ZFHX3: variants seen among roughly 807,000 people sequenced by gnomAD.
ZFHX3 encodes zinc finger homeobox 3.
ZFHX3 carries 42 observed loss-of-function variants against 279.1 expected under a neutral mutation model. That is an observed-to-expected ratio of 0.15 (90% CI 0.12 to 0.19). The LOEUF (loss-of-function observed/expected upper bound fraction) is 0.19, where lower values mean the gene tolerates loss of function less well. Among genes scored for constraint, ZFHX3 ranks in the 10% least tolerant of loss-of-function variants. ZFHX3 has a pLI of 1.00. For synonymous variants in ZFHX3, 2,293 were observed against 1,957.8 expected, an observed-to-expected ratio of 1.17 and a Z score of -4.52; for missense variants, 4,981 against 4,754.0, an observed-to-expected ratio of 1.05 and a Z score of -1.40.
intron 2 of ZFHX3, among the ~76,000 whole-genome samples, chr16:73,476,361 A>G (rs190242667): frequency 2.0e-5 from 3 of 152,310 alleles, no homozygotes; most frequent in African/African-American, 7.2e-5. Flanking sequence ...AAGAAGTTCA[A>G]AACCACTGCA....
intron 4 of ZFHX3, among the ~76,000 whole-genome samples, chr16:72,836,053 C>T (rs1333145692): frequency 1.3e-5 from 2 of 152,190 alleles, no homozygotes; most frequent in East Asian, 3.8e-4. Flanking sequence ...AAACTTTTAA[C>T]GGAACACAAT....
At chr16:73,120,852 C>T (rs893419058) in intron 7 of ZFHX3, among the ~76,000 whole-genome samples, 5 of 151,850 alleles carry the variant, frequency 3.3e-5, no homozygotes, top group Non-Finnish European at 7.4e-5. Context: ...GATGGGATTT[C>T]ACCGTGTTAG....
chr16:73,201,679 G>A (rs745656046), intron 5 of ZFHX3, among the ~76,000 whole-genome samples: 10 of 152,216 alleles, frequency 6.6e-5, no homozygotes, highest in Non-Finnish European at 1.5e-5. Context: ...CTCTACTAGA[G>A]CAAGAAGAGA....
chr16:73,483,579 C>T, intron 2 of ZFHX3: 1 of 336,888 alleles, frequency 3.0e-6, no homozygotes, highest in Non-Finnish European at 5.8e-6. Context: ...CAAGGGCCTA[C>T]CAGACCCTGG....
At chr16:72,961,064 T>C (rs1024217109) in intron 1 of ZFHX3, among the ~76,000 whole-genome samples, 5 of 152,120 alleles carry the variant, frequency 3.3e-5, no homozygotes, top group South Asian at 2.1e-4. Flanking sequence ...AAACGTGAGC[T>C]TGGTATTTCC....
At chr16:73,361,468 T>C (rs1597301254) in intron 3 of ZFHX3, among the ~76,000 whole-genome samples, 4 of 152,354 alleles carry the variant, frequency 2.6e-5, no homozygotes, top group Admixed American at 2.6e-4. Context: ...GGAATACCAC[T>C]GTTGTGGTTT....
intron 2 of ZFHX3, among the ~76,000 whole-genome samples, chr16:73,512,743 G>C (rs201783929): frequency 2.0e-5 from 3 of 152,178 alleles, no homozygotes; most frequent in African/African-American, 7.2e-5. Flanking sequence ...AAGAGAAGAA[G>C]AACTGCTTTT....
chr16:73,846,266 T>C (rs1193742554), intron 1 of ZFHX3, among the ~76,000 whole-genome samples: 5 of 152,000 alleles, frequency 3.3e-5, no homozygotes, highest in African/African-American at 7.3e-5. Context: ...GAAAAAAAAA[T>C]GAAATACTGA....
intron 1 of ZFHX3, among the ~76,000 whole-genome samples, chr16:73,834,120 C>A (rs1961074369): frequency 6.6e-6 from 1 of 152,102 alleles, no homozygotes; most frequent in Non-Finnish European, 1.5e-5. Flanking sequence ...TGAGCCTCTA[C>A]GAGTTAAAGG....
intron 1 of ZFHX3, among the ~76,000 whole-genome samples, chr16:72,978,299 C>G (rs1180500441): frequency 1.3e-5 from 2 of 152,198 alleles, no homozygotes; most frequent in Non-Finnish European, 2.9e-5. Flanking sequence ...TTCCTATTAC[C>G]CTCTCACACG....
intron 4 of ZFHX3, among the ~76,000 whole-genome samples, chr16:73,271,296 G>GTCT: frequency 6.6e-6 from 1 of 152,154 alleles, no homozygotes; most frequent in Non-Finnish European, 1.5e-5. Context: ...TTCTAAGTCA[G>GTCT]TCTTCTTGTT....
intron 2 of ZFHX3, among the ~76,000 whole-genome samples, chr16:73,616,456 G>T (rs1284772599): frequency 6.7e-6 from 1 of 148,386 alleles, no homozygotes; most frequent in Non-Finnish European, 1.5e-5. Context: ...AATGCTGCTA[G>T]GTCTCCTTTT....
intron 1 of ZFHX3, among the ~76,000 whole-genome samples, chr16:73,746,998 C>G (rs1443105447): frequency 6.6e-6 from 1 of 152,016 alleles, no homozygotes; most frequent in Non-Finnish European, 1.5e-5. Context: ...AATAGTAGAA[C>G]TAATAGAAAA....
At chr16:73,874,516 T>A (rs182752645) in intron 1 of ZFHX3, among the ~76,000 whole-genome samples, 1 of 152,220 alleles carries the variant, frequency 6.6e-6, no homozygotes, top group African/African-American at 2.4e-5. Flanking sequence ...CCCCTCTAAA[T>A]GTACACACTC....
intron 1 of ZFHX3, among the ~76,000 whole-genome samples, chr16:73,882,540 T>C (rs1597157126): frequency 6.6e-6 from 1 of 152,220 alleles, no homozygotes; most frequent in South Asian, 2.1e-4. Flanking sequence ...GATTTCACTT[T>C]GATGGCTCTG....
At chr16:73,559,699 C>T (rs922008837) in intron 2 of ZFHX3, among the ~76,000 whole-genome samples, 5 of 152,138 alleles carry the variant, frequency 3.3e-5, no homozygotes, top group African/African-American at 1.2e-4. Flanking sequence ...GAAGACGACA[C>T]GGCAGAACTT....
chr16:73,427,604 G>C (rs2017833163), intron 3 of ZFHX3, among the ~76,000 whole-genome samples: 1 of 152,118 alleles, frequency 6.6e-6, no homozygotes, highest in Non-Finnish European at 1.5e-5. Context: ...TACAAATCCA[G>C]CCCTACCAGC....
intron 1 of ZFHX3, among the ~76,000 whole-genome samples, chr16:73,756,717 C>T (rs1172897810): frequency 6.7e-6 from 1 of 148,596 alleles, no homozygotes; most frequent in Admixed American, 6.7e-5. Context: ...CCCCCACCAC[C>T]CCTGCCCCAC....
intron 5 of ZFHX3, among the ~76,000 whole-genome samples, chr16:73,169,758 T>A (rs1006565753): frequency 6.6e-6 from 1 of 152,112 alleles, no homozygotes; most frequent in Non-Finnish European, 1.5e-5. Context: ...CCCAGTATGG[T>A]GGAGACGCAT....
Sources: gnomAD v4.1 joint callset for allele counts (sites outside exome capture counted in the v4.1 genomes callset) on GRCh38, gnomAD v4.1.1 for gene constraint, MANE v1.5 for transcripts, NCBI Gene and HGNC (gene_info 2026-07-23, HGNC 2026-07-21) for gene names.